The following GLRA2 variants were observed in gnomAD, a reference collection of about 807,000 sequenced individuals.
The protein encoded by GLRA2 is glycine receptor subunit alpha-2.
GLRA2 carries 11 observed loss-of-function variants against 31.6 expected under a neutral mutation model. The observed-to-expected ratio is 0.35, with a 90% CI of 0.22 to 0.58. The LOEUF is 0.58. Ranked by LOEUF, GLRA2 falls within the 20% of genes least tolerant of loss-of-function variation. GLRA2 has a pLI of 0.84. For missense variants in GLRA2, 212 were observed against 351.8 expected (o/e 0.60, Z 3.18); for synonymous variants, 132 against 134.0 (o/e 0.99, Z 0.10).
chrX:14,458,098 A>C, the GLRA2 span, among the ~76,000 whole-genome samples: 3 of 107,570 alleles, frequency 2.8e-5, no homozygotes, highest in Non-Finnish European at 3.8e-5. Flanking sequence ...TTCAATCCCC[A>C]CCTATGAGTG....
At chrX:14,614,055 C>G (rs2090429988) in intron 7 of GLRA2, among the ~76,000 whole-genome samples, 2 of 111,718 alleles carry the variant, frequency 1.8e-5, no homozygotes, top group African/African-American at 6.5e-5. Context: ...CTCTTTTCTT[C>G]CCTTGCCGCA....
At chrX:14,695,498 GA>G (rs901188045) in intron 8 of GLRA2, among the ~76,000 whole-genome samples, 1 of 112,197 alleles carries the variant, frequency 8.9e-6, no homozygotes, top group African/African-American at 3.2e-5. Flanking sequence ...GCATTACATG[GA>G]GACAACTATT....
rs887578691 is a variant in GLRA2, at chrX:14,574,960, C to T, written c.270+560C>T. Among the ~76,000 whole-genome samples, 5 of 110,059 alleles carry T rather than the reference C, an allele frequency of 4.5e-5. No individual in the cohort carries two copies. The Admixed American group carries it at 4.9e-4, about 11-fold the overall frequency. ...TGGAATTTTTAAGATAGTTGAGCCT[C>T]CCTTCGATGCCACATTCAAGATATA... is the stretch of plus-strand genomic sequence containing the variant. On this transcript the variant is annotated intron_variant, in intron 3 of 8. Coordinates refer to ENST00000218075, the MANE Select transcript of GLRA2 (RefSeq NM_002063.4).
intron 2 of GLRA2, among the ~76,000 whole-genome samples, chrX:14,540,499 T>C (rs2089386739): frequency 9.0e-6 from 1 of 110,778 alleles, no homozygotes; most frequent in South Asian, 3.8e-4. Flanking sequence ...AGGGAGCCCA[T>C]TGATACAAAC....
At chrX:14,451,268 TGATAG>T in the GLRA2 span, among the ~76,000 whole-genome samples, 3 of 111,004 alleles carry the variant, frequency 2.7e-5, no homozygotes, top group African/African-American at 9.8e-5. Context: ...AACAACAACA[TGATAG>T]GATCAAAACT....
chrX:14,483,757 A>C, the GLRA2 span, among the ~76,000 whole-genome samples: 1 of 112,264 alleles, frequency 8.9e-6, no homozygotes, highest in Non-Finnish European at 1.9e-5. Flanking sequence ...TGAAGGATGC[A>C]AAGTATTGCT....
At chrX:14,674,863 T>C (rs1024347283) in intron 7 of GLRA2, among the ~76,000 whole-genome samples, 2 of 110,693 alleles carry the variant, frequency 1.8e-5, no homozygotes, top group African/African-American at 3.3e-5. Flanking sequence ...CCAAAGCCCA[T>C]TGTTGTCTTT....
chrX:14,681,847 G>C (rs751878901), intron 7 of GLRA2, among the ~76,000 whole-genome samples: 4 of 87,731 alleles, frequency 4.6e-5, no homozygotes, highest in African/African-American at 1.7e-4. Flanking sequence ...AGCCGAGATC[G>C]CGCCACTGCA....
intron 8 of GLRA2, among the ~76,000 whole-genome samples, chrX:14,698,681 C>CA (rs749925474): frequency 0.03 from 628 of 21,052 alleles, 39 homozygotes; most frequent in East Asian, 0.041. Flanking sequence ...CTATCTATCT[C>CA]AAAAAAAAAA....
At chrX:14,704,462 C>T (rs149315389) in intron 8 of GLRA2, among the ~76,000 whole-genome samples, 2 of 112,250 alleles carry the variant, frequency 1.8e-5, no homozygotes, top group Non-Finnish European at 3.8e-5. Flanking sequence ...ATAAAAAGAT[C>T]GAGCTAAATG....
At chrX:14,571,654 G>C (rs769672398) in intron 2 of GLRA2, among the ~76,000 whole-genome samples, 1 of 111,429 alleles carries the variant, frequency 9.0e-6, no homozygotes, top group Non-Finnish European at 1.9e-5. Flanking sequence ...ACATTCACTG[G>C]CACACAGCAA....
chrX:14,452,431 G>C, the GLRA2 span, among the ~76,000 whole-genome samples: 4 of 112,360 alleles, frequency 3.6e-5, no homozygotes, highest in African/African-American at 1.3e-4. Context: ...ATAACCTACT[G>C]TACCACTGCA....
At chrX:14,646,459 A>C in intron 7 of GLRA2, among the ~76,000 whole-genome samples, 1 of 112,496 alleles carries the variant, frequency 8.9e-6, no homozygotes, top group South Asian at 3.7e-4. Context: ...TAGTTTCATA[A>C]ACTGAGGTAA....
chrX:14,703,341 T>C (rs988035975), intron 8 of GLRA2, among the ~76,000 whole-genome samples: 1 of 111,486 alleles, frequency 9.0e-6, no homozygotes, highest in Non-Finnish European at 1.9e-5. Context: ...CATAGTCCCC[T>C]TTCTCCAAAG....
At chrX:14,559,429 T>C (rs889593164) in intron 2 of GLRA2, among the ~76,000 whole-genome samples, 1 of 54,229 alleles carries the variant, frequency 1.8e-5, no homozygotes, top group African/African-American at 5.2e-5. Context: ...CTTTTTTTTT[T>C]TTTTTTTTTT....
chrX:14,572,946 A>G (rs1387447387), intron 2 of GLRA2, among the ~76,000 whole-genome samples: 1 of 111,773 alleles, frequency 8.9e-6, no homozygotes, highest in Non-Finnish European at 1.9e-5. Flanking sequence ...AAGTGTGCAT[A>G]AGAACACACT....
chrX:14,556,271 T>A (rs937272052), intron 2 of GLRA2, among the ~76,000 whole-genome samples: 5 of 111,984 alleles, frequency 4.5e-5, no homozygotes, highest in Non-Finnish European at 7.5e-5. Flanking sequence ...GAACTTGTTA[T>A]TCATAGTAGA....
At chrX:14,654,629 C>T (rs887479634) in intron 7 of GLRA2, among the ~76,000 whole-genome samples, 9 of 111,794 alleles carry the variant, frequency 8.1e-5, no homozygotes, top group African/African-American at 2.6e-4. Context: ...GTATCCACCT[C>T]TAGTGAACTT....
At chrX:14,718,888 A>T (rs1375621002) in intron 8 of GLRA2, among the ~76,000 whole-genome samples, 1 of 111,903 alleles carries the variant, frequency 8.9e-6, no homozygotes, top group East Asian at 2.8e-4. Context: ...TATTACTTAC[A>T]AGCAAACATA....
Sources: gnomAD v4.1 joint callset for allele counts (sites outside exome capture counted in the v4.1 genomes callset) on GRCh38, gnomAD v4.1.1 for gene constraint, MANE v1.5 for transcripts, NCBI Gene and HGNC (gene_info 2026-07-23, HGNC 2026-07-21) for gene names.